TNR: variants seen among roughly 807,000 people sequenced by gnomAD.
The protein encoded by TNR is tenascin R.
Under a neutral mutation model 150.4 loss-of-function variants are expected in TNR, and 45 were observed. That is an observed-to-expected ratio of 0.30 (90% CI 0.24 to 0.38). The LOEUF (loss-of-function observed/expected upper bound fraction) is 0.38. TNR is among the 10% of genes least tolerant of loss of function. TNR has a pLI of 1.00. For missense variants in TNR, 1,544 were observed against 1,759.1 expected (o/e 0.88, Z 2.19); for synonymous variants, 687 against 678.4 (o/e 1.01, Z -0.20).
intron 2 of TNR, among the ~76,000 whole-genome samples, chr1:175,480,419 A>AAAACAAAGAAAGAAAGAAAG (rs1657741699): frequency 9.0e-6 from 1 of 110,936 alleles, no homozygotes; most frequent in African/African-American, 2.8e-5. Context: ...AAAGAAAGAA[A>AAAACAAAGAAAGAAAGAAAG]AAAGAAAGAA....
At chr1:175,436,594 T>A (rs1343116930) in intron 2 of TNR, among the ~76,000 whole-genome samples, 1 of 152,114 alleles carries the variant, frequency 6.6e-6, no homozygotes, top group Non-Finnish European at 1.5e-5. Flanking sequence ...GCAAATTGGA[T>A]AAAGAGTCAA....
At chr1:175,495,608 C>T (rs7530238) in intron 2 of TNR, among the ~76,000 whole-genome samples, 6,413 of 152,262 alleles carry the variant, frequency 0.042, 443 homozygotes, top group African/African-American at 0.14. Context: ...TCTAAGCACC[C>T]ACAAAACTTT....
intron 2 of TNR, among the ~76,000 whole-genome samples, chr1:175,442,329 G>A (rs10912981): frequency 0.25 from 37,963 of 152,000 alleles, 5,044 homozygotes; most frequent in East Asian, 0.5. Flanking sequence ...TTTGGCTCTG[G>A]ATCACAAAAG....
chr1:175,365,743 C>T, intron 11 of TNR, 132 bp downstream of exon 11: 4 of 1,351,694 alleles, frequency 3.0e-6, no homozygotes, highest in Non-Finnish European at 4.0e-6. Context: ...AGTTTTTACT[C>T]TATCCTTTTC....
At chr1:175,712,980 C>T (rs937678579) in intron 1 of TNR, among the ~76,000 whole-genome samples, 1 of 152,056 alleles carries the variant, frequency 6.6e-6, no homozygotes, top group African/African-American at 2.4e-5. Context: ...GCTGGGGGAA[C>T]TGATTGAAGG....
chr1:175,673,443 T>C (rs889604426), intron 1 of TNR, among the ~76,000 whole-genome samples: 2 of 151,598 alleles, frequency 1.3e-5, no homozygotes. Flanking sequence ...TTCAGAGGAA[T>C]GAGCAGGTGC....
rs115545079 is a variant in TNR at position 175,625,048 on chromosome 1, C to T, written c.-164-96679G>A. ...AGCTTGGCCAGAAGTACTGGTGCTC[C>T]AGCACCAAGGAGCTAGCATCCATTG... On this transcript the variant is annotated intron_variant, in intron 1 of 22. Transcript: ENST00000367674. Among the ~76,000 whole-genome samples, 780 of 152,296 alleles carry T rather than the reference C, an allele frequency of 5.1e-3. 5 individuals carry two copies. The highest frequency in any genetic ancestry group is 0.018 in the African/African-American group (735 of 41,554).
intron 1 of TNR, among the ~76,000 whole-genome samples, chr1:175,572,588 T>A (rs1661923225): frequency 6.6e-6 from 1 of 152,156 alleles, no homozygotes; most frequent in South Asian, 2.1e-4. Flanking sequence ...GTGGTGTTTG[T>A]GTTTAGTTCA....
At chr1:175,594,369 C>T (rs1210721904) in intron 1 of TNR, among the ~76,000 whole-genome samples, 1 of 152,128 alleles carries the variant, frequency 6.6e-6, no homozygotes, top group South Asian at 2.1e-4. Context: ...TCTCCCACCC[C>T]TTTTGTTCCT....
chr1:175,547,026 C>G (rs991963528), intron 1 of TNR, among the ~76,000 whole-genome samples: 1 of 152,186 alleles, frequency 6.6e-6, no homozygotes, highest in Non-Finnish European at 1.5e-5. Flanking sequence ...TTGTACAGTA[C>G]TTTGTCTTTC....
At chr1:175,514,239 G>A (rs1659312917) in intron 2 of TNR, among the ~76,000 whole-genome samples, 1 of 152,230 alleles carries the variant, frequency 6.6e-6, no homozygotes, top group African/African-American at 2.4e-5. Context: ...AAATCAGAGT[G>A]ATGCTATGTG....
chr1:175,691,282 T>C (rs1356732300), intron 1 of TNR, among the ~76,000 whole-genome samples: 1 of 151,404 alleles, frequency 6.6e-6, no homozygotes, highest in African/African-American at 2.4e-5. Flanking sequence ...AGATCAACGG[T>C]TTCAAAATAG....
At chr1:175,324,283 T>A in intron 22 of TNR, 73 bp downstream of exon 22, 2 of 1,484,432 alleles carry the variant, frequency 1.3e-6, no homozygotes, top group African/African-American at 2.8e-5. Context: ...CATGTGCTTT[T>A]AAAATATAAA....
chr1:175,607,939 G>A (rs1663466932), intron 1 of TNR, among the ~76,000 whole-genome samples: 2 of 152,202 alleles, frequency 1.3e-5, no homozygotes, highest in South Asian at 4.1e-4. Context: ...CTTAACTGAT[G>A]TACAGGTTAT....
chr1:175,574,130 G>T (rs1203431855), intron 1 of TNR, among the ~76,000 whole-genome samples: 1 of 152,046 alleles, frequency 6.6e-6, no homozygotes, highest in Non-Finnish European at 1.5e-5. Context: ...CCTCTGTCAG[G>T]GATCCTAAAC....
At chr1:175,672,764 T>A (rs974235106) in intron 1 of TNR, among the ~76,000 whole-genome samples, 1 of 152,200 alleles carries the variant, frequency 6.6e-6, no homozygotes, top group Non-Finnish European at 1.5e-5. Flanking sequence ...AGGAAGCAGG[T>A]GCATCCTTCA....
chr1:175,659,845 G>A (rs940082799), intron 1 of TNR, among the ~76,000 whole-genome samples: 1 of 151,990 alleles, frequency 6.6e-6, no homozygotes, highest in Non-Finnish European at 1.5e-5. Flanking sequence ...GTGGGGAGGA[G>A]GGCCTGTTAG....
Position 175,386,128 on chromosome 1 carries a change from C to T in TNR, c.1681G>A (p.Val561Met). The change falls in exon 8 of 23, where the codon GTG (valine) becomes ATG (methionine). Residue 561 changes from valine (V) to methionine (M), a missense_variant. Physicochemically the swap from Val to Met is conservative, Grantham distance 21. This residue lies in a region of TNR where 1,254 missense variants were observed against 1,329.4 expected (regional missense o/e 0.94). Transcript: ENST00000367674. ...RLQPPLSQYS[V>M]QALRPGSRYE... ...CGGGAGCCAGGCCGCAGGGCCTGCA[C>T]TGAGTATTGGCTCAGGGGAGGCTGC... is the stretch of plus-strand genomic sequence containing the variant. The T allele has an allele frequency of 6.2e-7, 1 of 1,613,606 alleles. No individual in the cohort carries two copies. Among genetic ancestry groups the T allele is most frequent in the Non-Finnish European group, 8.5e-7 (1 of 1,179,606 alleles).
intron 1 of TNR, among the ~76,000 whole-genome samples, chr1:175,573,713 A>G (rs1299239806): frequency 6.6e-6 from 1 of 152,220 alleles, no homozygotes; most frequent in Non-Finnish European, 1.5e-5. Context: ...GATTTCCAGC[A>G]CGGCTGGGGG....
Sources: gnomAD v4.1 joint callset for allele counts (sites outside exome capture counted in the v4.1 genomes callset) on GRCh38, gnomAD v4.1.1 for gene constraint, gnomAD v4.1.1 regional missense constraint, MANE v1.5 for transcripts, NCBI Gene and HGNC (gene_info 2026-07-23, HGNC 2026-07-21) for gene names.